NALF1: variants seen among roughly 807,000 people sequenced by gnomAD.
NALF1 encodes the protein NALCN channel auxiliary factor 1.
In NALF1, 3 loss-of-function variants were observed where a neutral mutation model predicts 48.4. The ratio of observed to expected loss-of-function variants is 0.06; its 90% CI spans 0.03 to 0.16. The LOEUF (loss-of-function observed/expected upper bound fraction) is 0.16, where lower values mean the gene tolerates loss of function less well. Ranked by LOEUF, NALF1 falls within the 10% of genes least tolerant of loss-of-function variation. The probability of loss-of-function intolerance (pLI) is 1.00; values close to 1 mark genes in which losing one functional copy is unlikely to be tolerated. For missense variants in NALF1, 526 were observed against 571.5 expected, an observed-to-expected ratio of 0.92 and a Z score of 0.81; for synonymous variants, 262 against 245.7, an observed-to-expected ratio of 1.07 and a Z score of -0.62.
intron 1 of NALF1, among the ~76,000 whole-genome samples, chr13:107,317,587 G>A (rs1291302482): frequency 6.6e-6 from 1 of 151,956 alleles, no homozygotes; most frequent in Non-Finnish European, 1.5e-5. Flanking sequence ...TAAGAAACAT[G>A]CAAAACAGAT....
chr13:107,855,200 C>CA (rs1566507588), intron 1 of NALF1, among the ~76,000 whole-genome samples: 3 of 152,152 alleles, frequency 2.0e-5, no homozygotes, highest in Non-Finnish European at 4.4e-5. Context: ...TTTACAGGAA[C>CA]TGGTGAAAGC....
intron 1 of NALF1, among the ~76,000 whole-genome samples, chr13:107,509,798 AATT>A (rs1221933937): frequency 1.3e-5 from 2 of 151,910 alleles, no homozygotes; most frequent in African/African-American, 4.8e-5. Flanking sequence ...GTTTAACTAC[AATT>A]ATTATTATTA....
intron 1 of NALF1, among the ~76,000 whole-genome samples, chr13:107,249,005 C>T (rs1880641075): frequency 6.8e-6 from 1 of 147,350 alleles, no homozygotes; most frequent in Non-Finnish European, 1.5e-5. Context: ...GTTGTGTAGA[C>T]TCTAAAACAT....
At chr13:107,633,870 A>G (rs996243328) in intron 1 of NALF1, among the ~76,000 whole-genome samples, 2 of 143,694 alleles carry the variant, frequency 1.4e-5, no homozygotes, top group African/African-American at 4.9e-5. Flanking sequence ...ATGTGTGTGT[A>G]TGTGTGTGTG....
At chr13:107,180,315 G>A (rs992822287) in intron 2 of NALF1, among the ~76,000 whole-genome samples, 1 of 151,788 alleles carries the variant, frequency 6.6e-6, no homozygotes, top group Admixed American at 6.6e-5. Flanking sequence ...TTATTCTAAG[G>A]AAATCTTAAG....
chr13:107,800,040 T>C (rs961738574), intron 1 of NALF1, among the ~76,000 whole-genome samples: 3 of 152,178 alleles, frequency 2.0e-5, no homozygotes, highest in African/African-American at 7.2e-5. Flanking sequence ...CTAATGTTTA[T>C]TCTGAAGAAC....
intron 1 of NALF1, among the ~76,000 whole-genome samples, chr13:107,485,643 C>T (rs529277210): frequency 2.6e-5 from 4 of 152,218 alleles, no homozygotes; most frequent in South Asian, 2.1e-4. Context: ...CAGTAGAGAA[C>T]GAAGTTTGCA....
At chr13:107,861,262 T>A (rs1176718294) in intron 1 of NALF1, among the ~76,000 whole-genome samples, 1 of 152,074 alleles carries the variant, frequency 6.6e-6, no homozygotes. Context: ...TAAAAAAAAA[T>A]TTTAAGTAGT....
intron 1 of NALF1, among the ~76,000 whole-genome samples, chr13:107,346,752 A>G (rs537368828): frequency 2.6e-5 from 4 of 152,286 alleles, no homozygotes; most frequent in African/African-American, 9.6e-5. Context: ...CAGTAAATTT[A>G]TGTTATTTGT....
intron 1 of NALF1, among the ~76,000 whole-genome samples, chr13:107,300,707 G>A (rs1297630532): frequency 1.5e-4 from 23 of 152,252 alleles, no homozygotes; most frequent in Admixed American, 1.5e-3. Flanking sequence ...AAATATAAAA[G>A]TACAGCATCT....
chr13:107,213,230 C>CAA (rs386380636), intron 1 of NALF1, among the ~76,000 whole-genome samples: 3,208 of 103,164 alleles, frequency 0.031, 89 homozygotes, highest in African/African-American at 0.048. Context: ...TTTTTTAACT[C>CAA]AAAAAAAAAA....
intron 1 of NALF1, among the ~76,000 whole-genome samples, chr13:107,612,975 T>C (rs1250257072): frequency 1.3e-5 from 2 of 150,392 alleles, no homozygotes; most frequent in Admixed American, 6.6e-5. Flanking sequence ...AATTTATGGG[T>C]TTTTTTGGGT....
chr13:107,176,136 T>G (rs2138768877), intron 2 of NALF1, among the ~76,000 whole-genome samples: 1 of 152,306 alleles, frequency 6.6e-6, no homozygotes, highest in African/African-American at 2.4e-5. Context: ...AAATAATTTC[T>G]CAAACAAGAA....
At chr13:107,544,943 A>G (rs973297516) in intron 1 of NALF1, among the ~76,000 whole-genome samples, 3 of 152,194 alleles carry the variant, frequency 2.0e-5, no homozygotes, top group African/African-American at 7.2e-5. Context: ...CTGTGCGACA[A>G]CACAGTCACA....
chr13:107,467,932 C>T (rs980618863), intron 1 of NALF1, among the ~76,000 whole-genome samples: 2 of 151,650 alleles, frequency 1.3e-5, no homozygotes, highest in Non-Finnish European at 2.9e-5. Context: ...CCTGTAGTCC[C>T]AGCTACTCGG....
At chr13:107,803,057 G>A (rs770909484) in intron 1 of NALF1, among the ~76,000 whole-genome samples, 57 of 152,208 alleles carry the variant, frequency 3.7e-4, no homozygotes, top group Non-Finnish European at 3.2e-4. Flanking sequence ...GGTGTCATTC[G>A]TTTATATATT....
rs1023641116 is a variant in NALF1 at position 107,325,608 on chromosome 13, C to T, written c.916-114853G>A. 3.3e-4 allele frequency among the ~76,000 whole-genome samples: 50 copies of T among 151,850 alleles called. 1 individual carries two copies. Among genetic ancestry groups the T allele is most frequent in the South Asian group, 6.2e-4 (3 of 4,804 alleles). ...ATCCCAGCATGTTGGGAGGCTGAGGCGGGTAGATCACTTGAGGTCAGGAGT... is the reference window on the plus strand; with the variant it reads ...ATCCCAGCATGTTGGGAGGCTGAGGTGGGTAGATCACTTGAGGTCAGGAGT... On this transcript the variant is annotated intron_variant, in intron 1 of 2. Transcript: ENST00000375915.
At chr13:107,349,427 T>C (rs1490175871) in intron 1 of NALF1, among the ~76,000 whole-genome samples, 1 of 152,030 alleles carries the variant, frequency 6.6e-6, no homozygotes, top group Non-Finnish European at 1.5e-5. Flanking sequence ...GAAGGCACAA[T>C]TAGTTGTGCC....
chr13:107,716,551 C>T (rs536555466), intron 1 of NALF1, among the ~76,000 whole-genome samples: 1 of 152,342 alleles, frequency 6.6e-6, no homozygotes, highest in East Asian at 1.9e-4. Context: ...TTTCTCTTCG[C>T]TGTCCATGTA....
Sources: gnomAD v4.1 joint callset for allele counts (sites outside exome capture counted in the v4.1 genomes callset) on GRCh38, gnomAD v4.1.1 for gene constraint, MANE v1.5 for transcripts, NCBI Gene and HGNC (gene_info 2026-07-23, HGNC 2026-07-21) for gene names.